Variants in SLC20A2 observed in about 807,000 individuals in gnomAD.
SLC20A2 encodes the protein sodium-dependent phosphate transporter 2.
A neutral mutation model predicts 61.0 loss-of-function variants in SLC20A2; 30 were observed. That is an observed-to-expected ratio of 0.49 (90% CI 0.37 to 0.67). The LOEUF (loss-of-function observed/expected upper bound fraction) is 0.67, where lower values mean the gene tolerates loss of function less well. Ranked by LOEUF, SLC20A2 falls within the 30% of genes least tolerant of loss-of-function variation. The probability of loss-of-function intolerance (pLI) is 0.00; values close to 1 mark genes in which losing one functional copy is unlikely to be tolerated. For missense variants in SLC20A2, 626 were observed against 866.4 expected, an observed-to-expected ratio of 0.72 and a Z score of 3.48; for synonymous variants, 351 against 353.3, an observed-to-expected ratio of 0.99 and a Z score of 0.07.
At chr8:42,444,067 G>C (rs550120440) in intron 6 of SLC20A2, among the ~76,000 whole-genome samples, 2 of 152,024 alleles carry the variant, frequency 1.3e-5, no homozygotes, top group African/African-American at 4.8e-5. Context: ...TTTCCACTTT[G>C]GGCTATTATG....
At chr8:42,458,004 C>T (rs1223305569) in intron 5 of SLC20A2, among the ~76,000 whole-genome samples, 6 of 152,048 alleles carry the variant, frequency 3.9e-5, no homozygotes, top group African/African-American at 1.2e-4. Flanking sequence ...GGGCGCTTTT[C>T]GATTATGATA....
chr8:42,489,819 A>G (rs1035419339), intron 1 of SLC20A2, among the ~76,000 whole-genome samples: 2 of 152,146 alleles, frequency 1.3e-5, no homozygotes, highest in Admixed American at 6.5e-5. Context: ...GACTCCTTCC[A>G]CAGTTCAGGG....
intron 8 of SLC20A2, among the ~76,000 whole-genome samples, 181 bp downstream of exon 8, chr8:42,436,808 A>C (rs1804300460): frequency 6.6e-6 from 1 of 152,100 alleles, no homozygotes; most frequent in Non-Finnish European, 1.5e-5. Flanking sequence ...CTTTCCTGTT[A>C]ACACTGCTCG....
chr8:42,496,629 C>T (rs1009686400), intron 1 of SLC20A2, among the ~76,000 whole-genome samples: 3 of 152,316 alleles, frequency 2.0e-5, no homozygotes, highest in Non-Finnish European at 4.4e-5. Flanking sequence ...CCTATGTGTG[C>T]CCCTGGGCTA....
At chr8:42,464,073 A>C (rs1806922579) in intron 3 of SLC20A2, among the ~76,000 whole-genome samples, 1 of 124,442 alleles carries the variant, frequency 8.0e-6, no homozygotes, top group African/African-American at 2.9e-5. Flanking sequence ...GTTTCTTCCC[A>C]AAGGGCAGGC....
chr8:42,446,128 G>A (rs1410677857), intron 5 of SLC20A2, among the ~76,000 whole-genome samples: 2 of 152,162 alleles, frequency 1.3e-5, no homozygotes, highest in African/African-American at 4.8e-5. Flanking sequence ...AGGAATAAGA[G>A]TTTTTTAAAA....
At chr8:42,489,967 C>T (rs977259803) in intron 1 of SLC20A2, among the ~76,000 whole-genome samples, 5 of 152,024 alleles carry the variant, frequency 3.3e-5, no homozygotes, top group African/African-American at 1.2e-4. Flanking sequence ...AACTGTACAC[C>T]AGAAAAAGCA....
intron 2 of SLC20A2, chr8:42,470,973 CAAAAA>C (rs200440771): frequency 5.3e-4 from 128 of 239,738 alleles, no homozygotes; most frequent in South Asian, 7.4e-4. Flanking sequence ...GACTCTGTCT[CAAAAA>C]AAAAAAAAAA....
chr8:42,427,050 G>A (rs1055566434), intron 10 of SLC20A2, among the ~76,000 whole-genome samples: 1 of 152,226 alleles, frequency 6.6e-6, no homozygotes, highest in African/African-American at 2.4e-5. Context: ...CCCACATTAG[G>A]AAACTCACAA....
chr8:42,498,672 C>T (rs896246065), intron 1 of SLC20A2, among the ~76,000 whole-genome samples: 2 of 152,118 alleles, frequency 1.3e-5, no homozygotes, highest in Non-Finnish European at 2.9e-5. Context: ...TTAAGACGGA[C>T]GGAAGCTGAA....
chr8:42,425,249 T>C (rs767992212), intron 10 of SLC20A2, among the ~76,000 whole-genome samples: 1 of 152,152 alleles, frequency 6.6e-6, no homozygotes, highest in African/African-American at 2.4e-5. Context: ...ACAGGATAAT[T>C]ATCCTGAAAA....
intron 6 of SLC20A2, among the ~76,000 whole-genome samples, chr8:42,441,344 G>A (rs1804767920): frequency 6.6e-6 from 1 of 151,446 alleles, no homozygotes; most frequent in Non-Finnish European, 1.5e-5. Flanking sequence ...AGTAGAGATG[G>A]GGTTTCACCA....
chr8:42,516,043 C>T (rs754587674), intron 1 of SLC20A2, among the ~76,000 whole-genome samples: 15 of 152,066 alleles, frequency 9.9e-5, no homozygotes, highest in East Asian at 3.9e-4. Context: ...GAAGCCATAG[C>T]GAGGGCAGGA....
chr8:42,516,882 G>A (rs1811350081), intron 1 of SLC20A2, among the ~76,000 whole-genome samples: 1 of 152,146 alleles, frequency 6.6e-6, no homozygotes. Context: ...GCACCCATCA[G>A]TGCAACCTGA....
intron 1 of SLC20A2, chr8:42,537,681 T>A (rs1352431272): frequency 6.6e-6 from 1 of 152,234 alleles, no homozygotes; most frequent in African/African-American, 2.4e-5. Flanking sequence ...CTTCAGTTTC[T>A]CTCCACCATC....
At chr8:42,535,321 T>C (rs1483694504) in intron 1 of SLC20A2, 3 of 152,086 alleles carry the variant, frequency 2.0e-5, no homozygotes, top group Admixed American at 2.0e-4. Flanking sequence ...GATGGCATTG[T>C]TTCCAAGGAG....
At chr8:42,533,673 T>TTTTTTTTTTTTTTTTTTTTTC (rs1812516436) in intron 1 of SLC20A2, among the ~76,000 whole-genome samples, 1 of 139,068 alleles carries the variant, frequency 7.2e-6, no homozygotes, top group Non-Finnish European at 1.6e-5. Context: ...TTTTTTTTTT[T>TTTTTTTTTTTTTTTTTTTTTC]TTTGAGACGG....
At chr8:42,470,746 G>A (rs551334011) in intron 2 of SLC20A2, among the ~76,000 whole-genome samples, 6 of 151,982 alleles carry the variant, frequency 3.9e-5, no homozygotes, top group Admixed American at 3.9e-4. Context: ...GGTGATGGTG[G>A]GTGGATTGCT....
chr8:42,430,981 T>C (rs1428543753), intron 8 of SLC20A2, among the ~76,000 whole-genome samples: 1 of 152,172 alleles, frequency 6.6e-6, no homozygotes, highest in East Asian at 1.9e-4. Context: ...CTCCCTCTCC[T>C]CCAGCCTATT....
Sources: gnomAD v4.1 joint callset for allele counts (sites outside exome capture counted in the v4.1 genomes callset) on GRCh38, gnomAD v4.1.1 for gene constraint, MANE v1.5 for transcripts, NCBI Gene and HGNC (gene_info 2026-07-23, HGNC 2026-07-21) for gene names.